Variants in ASTN2 observed in about 807,000 individuals in gnomAD.
ASTN2 encodes the protein astrotactin-2.
Under a neutral mutation model 139.8 loss-of-function variants are expected in ASTN2, and 54 were observed. That is an observed-to-expected ratio of 0.39 (90% CI 0.31 to 0.48). The LOEUF (loss-of-function observed/expected upper bound fraction) is 0.48, where lower values mean the gene tolerates loss of function less well. ASTN2 is among the 20% of genes least tolerant of loss of function. The pLI is 0.95. For missense variants in ASTN2, 1,565 were observed against 1,725.1 expected, an observed-to-expected ratio of 0.91 and a Z score of 1.64; for synonymous variants, 756 against 719.5, an observed-to-expected ratio of 1.05 and a Z score of -0.81.
intron 19 of ASTN2, among the ~76,000 whole-genome samples, chr9:116,599,162 T>A (rs1471273227): frequency 6.6e-6 from 1 of 152,204 alleles, no homozygotes; most frequent in Non-Finnish European, 1.5e-5. Flanking sequence ...AGTGGAAAGC[T>A]GCTAGTCAAC....
At chr9:116,942,216 G>A (rs1835262108) in intron 10 of ASTN2, among the ~76,000 whole-genome samples, 1 of 152,014 alleles carries the variant, frequency 6.6e-6, no homozygotes, top group Non-Finnish European at 1.5e-5. Flanking sequence ...CAGGCCCTCA[G>A]ATCTCAGTGC....
chr9:117,180,917 T>C, intron 3 of ASTN2: 1 of 1,594,286 alleles, frequency 6.3e-7, no homozygotes, highest in Non-Finnish European at 8.5e-7. Flanking sequence ...TGCTCCTTGT[T>C]CTGCAGCTTG....
intron 19 of ASTN2, among the ~76,000 whole-genome samples, chr9:116,511,485 C>T (rs1009121315): frequency 9.9e-5 from 15 of 152,112 alleles, no homozygotes; most frequent in Non-Finnish European, 1.0e-4. Context: ...GTGTCTCTGC[C>T]AGGCTTTGGT....
intron 4 of ASTN2, among the ~76,000 whole-genome samples, chr9:117,122,707 T>C (rs4838231): frequency 6.6e-6 from 1 of 152,020 alleles, no homozygotes; most frequent in Non-Finnish European, 1.5e-5. Context: ...TAAAAGACTT[T>C]ATGAAGTCAA....
At chr9:116,469,306 G>GTT (rs150197612) in intron 20 of ASTN2, among the ~76,000 whole-genome samples, 4 of 150,266 alleles carry the variant, frequency 2.7e-5, no homozygotes, top group African/African-American at 9.7e-5. Context: ...CTCTCAAGTG[G>GTT]TTTTTTTTTT....
intron 6 of ASTN2, among the ~76,000 whole-genome samples, chr9:117,034,655 C>CTCTA (rs1388807087): frequency 6.6e-6 from 1 of 152,084 alleles, no homozygotes; most frequent in East Asian, 1.9e-4. Flanking sequence ...AATATGTGGG[C>CTCTA]TCTACCCTCA....
At chr9:117,390,572 G>T (rs1214200262) in intron 1 of ASTN2, among the ~76,000 whole-genome samples, 1 of 152,138 alleles carries the variant, frequency 6.6e-6, no homozygotes, top group Non-Finnish European at 1.5e-5. Context: ...TTTCCAGAAT[G>T]TCATATAGTT....
chr9:116,589,862 C>T (rs1318434265), intron 19 of ASTN2, among the ~76,000 whole-genome samples: 1 of 152,200 alleles, frequency 6.6e-6, no homozygotes, highest in Non-Finnish European at 1.5e-5. Flanking sequence ...ACAATTTTAA[C>T]CCACTGTAGA....
intron 13 of ASTN2, among the ~76,000 whole-genome samples, chr9:116,757,403 A>C (rs1162431706): frequency 6.6e-6 from 1 of 152,174 alleles, no homozygotes; most frequent in Non-Finnish European, 1.5e-5. Flanking sequence ...CACGGTGGGC[A>C]TGGGTGTCAC....
At chr9:116,978,136 C>T (rs889075695) in intron 7 of ASTN2, among the ~76,000 whole-genome samples, 1 of 152,120 alleles carries the variant, frequency 6.6e-6, no homozygotes, top group African/African-American at 2.4e-5. Flanking sequence ...GTAATACCAC[C>T]CCATTCCTCA....
intron 19 of ASTN2, among the ~76,000 whole-genome samples, chr9:116,561,801 G>A (rs1852928529): frequency 6.6e-6 from 1 of 152,214 alleles, no homozygotes; most frequent in Non-Finnish European, 1.5e-5. Flanking sequence ...TGAGAAGGTA[G>A]CTATGGAGGG....
chr9:116,789,186 C>T (rs1308495070), intron 13 of ASTN2, among the ~76,000 whole-genome samples: 2 of 152,168 alleles, frequency 1.3e-5, no homozygotes, highest in South Asian at 2.1e-4. Context: ...ATCACTTCAT[C>T]GTCTTTCTTT....
At chr9:116,556,048 G>A (rs1457367091) in intron 19 of ASTN2, among the ~76,000 whole-genome samples, 1 of 152,086 alleles carries the variant, frequency 6.6e-6, no homozygotes, top group Admixed American at 6.5e-5. Context: ...CCATGTACAT[G>A]GCTCTGTGCT....
chr9:116,522,304 C>G (rs575118646), intron 19 of ASTN2, among the ~76,000 whole-genome samples: 1 of 151,984 alleles, frequency 6.6e-6, no homozygotes, highest in Admixed American at 6.6e-5. Flanking sequence ...GAAAATGTAG[C>G]ATATATATAC....
At chr9:116,471,899 C>CT (rs1177581827) in intron 20 of ASTN2, among the ~76,000 whole-genome samples, 1 of 152,128 alleles carries the variant, frequency 6.6e-6, no homozygotes, top group African/African-American at 2.4e-5. Context: ...ACCTTGGGCT[C>CT]TGTCTTCTCA....
At chr9:116,953,397 C>A (rs1588437609) in intron 10 of ASTN2, among the ~76,000 whole-genome samples, 2 of 152,286 alleles carry the variant, frequency 1.3e-5, no homozygotes, top group Admixed American at 6.5e-5. Context: ...TCTAGCCAAG[C>A]CAATTTCCTG....
intron 17 of ASTN2, among the ~76,000 whole-genome samples, chr9:116,621,447 AC>A: frequency 6.6e-6 from 1 of 151,692 alleles, no homozygotes; most frequent in African/African-American, 2.4e-5. Flanking sequence ...GCACGCACAC[AC>A]ACACACACAC....
At chr9:116,596,471 TA>T (rs1854584135) in intron 19 of ASTN2, among the ~76,000 whole-genome samples, 1 of 152,078 alleles carries the variant, frequency 6.6e-6, no homozygotes, top group African/African-American at 2.4e-5. Context: ...CACACACACA[TA>T]AATGGACAAA....
chr9:116,618,725 C>A (rs1261329710), intron 18 of ASTN2, among the ~76,000 whole-genome samples: 1 of 152,162 alleles, frequency 6.6e-6, no homozygotes, highest in Non-Finnish European at 1.5e-5. Flanking sequence ...AATCCATGCA[C>A]ACAATATGTG....
Sources: gnomAD v4.1 joint callset for allele counts (sites outside exome capture counted in the v4.1 genomes callset) on GRCh38, gnomAD v4.1.1 for gene constraint, MANE v1.5 for transcripts, NCBI Gene and HGNC (gene_info 2026-07-23, HGNC 2026-07-21) for gene names.